The following HTR5A variants were observed in gnomAD, a reference collection of about 807,000 sequenced individuals.
HTR5A encodes 5-HT-5.
Under a neutral mutation model 24.3 loss-of-function variants are expected in HTR5A, and 21 were observed. The ratio of observed to expected loss-of-function variants is 0.86; its 90% CI spans 0.61 to 1.24. HTR5A has a LOEUF of 1.24. HTR5A is among the 50% of genes most tolerant of loss of function. The pLI is 0.00. For synonymous variants in HTR5A, 260 were observed against 213.7 expected, an observed-to-expected ratio of 1.22 and a Z score of -1.89; for missense variants, 497 against 489.5, an observed-to-expected ratio of 1.02 and a Z score of -0.15.
chr7:155,070,798 A>G lies in HTR5A; in HGVS notation c.-102A>G, dbSNP rs3734967. ...CTTTCCAGAAACTCCCCCACTGGCC[A>G]GAGGTTGCAAACATCCGGATTGGCT... On this transcript the variant is annotated 5_prime_UTR_variant, in exon 1 of 2. Transcript: ENST00000287907. The G allele has an allele frequency of 0.28, 344,360 of 1,236,192 alleles. 51,204 individuals carry two copies. Among genetic ancestry groups the G allele is most frequent in the South Asian group, 0.34 (23,271 of 69,450 alleles). 76.6% of individuals were successfully genotyped at this position (1,236,192 alleles called of 1,614,324 possible).
In HTR5A at chr7:155,085,116, C is replaced by A. The variant is rs1172641943; in HGVS notation, c.*629C>A. On this transcript the variant is annotated 3_prime_UTR_variant, in exon 2 of 2. Coordinates refer to ENST00000287907, the MANE Select transcript of HTR5A (RefSeq NM_024012.4). ...AACCACACACGAACATACACACACA[C>A]ACACACACAACTATGAAAGAGGCAG... is the stretch of plus-strand genomic sequence containing the variant. 6.6e-6 allele frequency: 1 copy of A among 152,388 alleles called. No individual in the cohort carries two copies. The highest frequency in any genetic ancestry group is 1.5e-5 in the Non-Finnish European group (1 of 68,192). The allele number at this position is 152,388 out of a possible 1,614,324, so 9.4% of individuals were successfully genotyped here.
Position 155,070,388 on chromosome 7 carries a change from G to C in HTR5A, c.-512G>C. On this transcript the variant is annotated 5_prime_UTR_variant, in exon 1 of 2. Transcript: ENST00000287907. Reference sequence around the variant, plus strand: ...CGGGGGCAACAGGGACAGAAGGCAGGTCCCAGAAAGCAGGTTCCCCCAAAA... The same window carrying C: ...CGGGGGCAACAGGGACAGAAGGCAGCTCCCAGAAAGCAGGTTCCCCCAAAA... 2 of 455,714 alleles carry C rather than the reference G, an allele frequency of 4.4e-6. No homozygotes were observed. Among genetic ancestry groups the C allele is most frequent in the Non-Finnish European group, 8.8e-6 (2 of 226,764 alleles). 28.2% of individuals were successfully genotyped at this position (455,714 alleles called of 1,614,324 possible).
chr7:155,071,246 T>A lies in HTR5A; in HGVS notation c.347T>A (p.Leu116His). The A allele has an allele frequency of 6.2e-7, 1 of 1,605,294 alleles. No individual in the cohort carries two copies. Among genetic ancestry groups the A allele is most frequent in the Non-Finnish European group, 8.5e-7 (1 of 1,179,916 alleles). Reference protein sequence around the residue: ...RWQLGRRLCQLWIACDVLCCT... With the variant: ...RWQLGRRLCQHWIACDVLCCT... The stretch of plus-strand genomic sequence containing the variant: ...CAGCTAGGTCGGAGGCTGTGCCAGC[T>A]TTGGATCGCGTGCGACGTGCTTTGC... The change falls in exon 1 of 2, where the codon CTT (leucine) becomes CAT (histidine). Residue 116 changes from leucine (L) to histidine (H), a missense_variant. Physicochemically the swap from Leu to His is moderately conservative, Grantham distance 99. Transcript: ENST00000287907.
Position 155,070,953 on chromosome 7 carries a change from G to A in HTR5A, c.54G>A (p.Leu18=). 2.5e-6 allele frequency: 4 copies of A among 1,609,762 alleles called. No individual in the cohort carries two copies. The highest frequency in any genetic ancestry group is 3.4e-6 in the Non-Finnish European group (4 of 1,179,962). ...TTTCCCTCTCCACCCCCTCCCCTTT[G>A]GAGACCAACCACAGCCTCGGCAAAG... ...TSFSLSTPSP[L]ETNHSLGKDD... is the part of the protein sequence containing the mutation. The change falls in exon 1 of 2, where the codon TTG becomes TTA. Residue 18 remains leucine (L), a synonymous_variant. Coordinates refer to ENST00000287907, the MANE Select transcript of HTR5A (RefSeq NM_024012.4).
intron 1 of HTR5A, among the ~76,000 whole-genome samples, chr7:155,082,227 A>T (rs1795425646): frequency 6.6e-6 from 1 of 151,652 alleles, no homozygotes; most frequent in South Asian, 2.1e-4. Context: ...CACAGTGTGA[A>T]TGGCATCCAT....
Position 155,070,839 on chromosome 7 carries a change from G to C in HTR5A, c.-61G>C. On this transcript the variant is annotated 5_prime_UTR_variant, in exon 1 of 2. Transcript: ENST00000287907. The stretch of plus-strand genomic sequence containing the variant: ...CGGATTGGCTCTGGGCACAGTGGCC[G>C]CCTTAAGTCCTCCTGAACACCCCTT... The C allele has an allele frequency of 2.0e-6, 3 of 1,516,148 alleles. No individual in the cohort carries two copies. The highest frequency in any genetic ancestry group is 2.7e-6 in the Non-Finnish European group (3 of 1,128,122). 93.9% of individuals were successfully genotyped at this position (1,516,148 alleles called of 1,614,324 possible).
Position 155,085,051 on chromosome 7 carries a change from T to C in HTR5A, c.*564T>C, listed in dbSNP as rs183051796. Reference sequence around the variant, plus strand: ...ATATTAAAGTATATAGTCCTATCCATGAGAGCAGGGAATCTTAGCTTTAAG... The same window carrying C: ...ATATTAAAGTATATAGTCCTATCCACGAGAGCAGGGAATCTTAGCTTTAAG... On this transcript the variant is annotated 3_prime_UTR_variant, in exon 2 of 2. Coordinates refer to ENST00000287907, the MANE Select transcript of HTR5A (RefSeq NM_024012.4). The C allele has an allele frequency of 6.6e-6, 1 of 151,786 alleles. No homozygotes were observed. The highest frequency in any genetic ancestry group is 1.9e-4 in the East Asian group (1 of 5,176). The allele number at this position is 151,786 out of a possible 1,614,324, so 9.4% of individuals were successfully genotyped here. A position where few individuals can be genotyped will look rare whatever the true frequency, so the allele number is the denominator to read the frequency against.
rs374704277 is a variant in HTR5A, at chr7:155,085,835, T to C, written c.*1348T>C. 2 of 152,360 alleles carry C rather than the reference T, an allele frequency of 1.3e-5. No individual in the cohort carries two copies. Among genetic ancestry groups the C allele is most frequent in the East Asian group, 3.9e-4 (2 of 5,190 alleles). 9.4% of individuals were successfully genotyped at this position (152,360 alleles called of 1,614,324 possible). A position where few individuals can be genotyped will look rare whatever the true frequency, so the allele number is the denominator to read the frequency against. On this transcript the variant is annotated 3_prime_UTR_variant, in exon 2 of 2. Coordinates refer to ENST00000287907, the MANE Select transcript of HTR5A (RefSeq NM_024012.4). ...CATAGGAAATTTGTGATAATTTATA[T>C]GTGGTCTTGGCTTGAAGTTTAGTCT...
rs763483316 is a variant in HTR5A at position 155,070,880 on chromosome 7, G to A, written c.-20G>A. 1.5e-5 allele frequency: 24 copies of A among 1,584,736 alleles called. No individual in the cohort carries two copies. The East Asian group carries it at 4.7e-4, about 31-fold the overall frequency. Reference sequence around the variant, plus strand: ...AACACCCCTTCTGCAAGTACCCCAGGGCGGTCTCCTGACCCAGAGATGGAT... The same window carrying A: ...AACACCCCTTCTGCAAGTACCCCAGAGCGGTCTCCTGACCCAGAGATGGAT... On this transcript the variant is annotated 5_prime_UTR_variant, in exon 1 of 2. Coordinates refer to ENST00000287907, the MANE Select transcript of HTR5A (RefSeq NM_024012.4).
chr7:155,074,362 G>A (rs947847855), intron 1 of HTR5A, among the ~76,000 whole-genome samples: 3 of 152,272 alleles, frequency 2.0e-5, no homozygotes, highest in African/African-American at 4.8e-5. Context: ...TAGAGTGAGC[G>A]GGGGCTGTGC....
rs1795454313 is a variant in HTR5A, at chr7:155,084,485, T to G, written c.1072T>G (p.Ter358GlyextTer55). 3 of 1,605,604 alleles carry G rather than the reference T, an allele frequency of 1.9e-6. No individual in the cohort carries two copies. The African/African-American group carries it at 4.0e-5, about 21-fold the overall frequency. ...CAAGAACTTCTTTTCTAGGCAACAC[T>G]GAGGGAGAGGACCAGGATTGAAAAA... is the stretch of plus-strand genomic sequence containing the variant. ...AFKNFFSRQH[*>G] is the part of the protein sequence containing the mutation. The change falls in exon 2 of 2, where the codon TGA (stop) becomes GGA (glycine). Residue 358 changes from the stop codon to glycine (G), a stop_lost. Coordinates refer to ENST00000287907, the MANE Select transcript of HTR5A (RefSeq NM_024012.4).
At chr7:155,071,988 C>G (rs528848879) in intron 1 of HTR5A, among the ~76,000 whole-genome samples, 1 of 152,018 alleles carries the variant, frequency 6.6e-6, no homozygotes, top group South Asian at 2.1e-4. Context: ...ATCTGGGGTA[C>G]GCTGATTCAG....
Position 155,084,257 on chromosome 7 carries a change from CG to C in HTR5A, c.847del (p.Ala283ProfsTer54). ...CACGTGGCGGGAGCAGAAGGAGCAGCGGGCCGCCCTCATGGTGGGCATCCTC... is the reference window on the plus strand; with the variant it reads ...CACGTGGCGGGAGCAGAAGGAGCAGCGGCCGCCCTCATGGTGGGCATCCTC... Reference protein sequence around the residue: ...GDTWREQKEQRAALMVGILIG... With the variant: ...GDTWREQKEQXAALMVGILIG... On this transcript the variant is annotated frameshift_variant, in exon 2 of 2. Transcript: ENST00000287907. LOFTEE classifies it high-confidence loss of function. 6.2e-7 allele frequency: 1 copy of C among 1,614,118 alleles called. No individual in the cohort carries two copies. The highest frequency in any genetic ancestry group is 8.5e-7 in the Non-Finnish European group (1 of 1,180,004).
At chr7:155,073,898 T>TAC (rs1474604416) in intron 1 of HTR5A, among the ~76,000 whole-genome samples, 3,658 of 21,324 alleles carry the variant, frequency 0.17, 254 homozygotes, top group African/African-American at 0.2. Context: ...TGTATATATA[T>TAC]ATATATATAT....
Position 155,070,721 on chromosome 7 carries a change from C to A in HTR5A, c.-179C>A. 1 of 680,088 alleles carries A rather than the reference C, an allele frequency of 1.5e-6. No homozygotes were observed. Among genetic ancestry groups the A allele is most frequent in the Non-Finnish European group, 2.5e-6 (1 of 398,702 alleles). 42.1% of individuals were successfully genotyped at this position (680,088 alleles called of 1,614,324 possible). ...CAGACCTGCCGCGCTTGCAGCCACA[C>A]CATCTCCAACGGATGCTCACTAGCA... On this transcript the variant is annotated 5_prime_UTR_variant, in exon 1 of 2. Coordinates refer to ENST00000287907, the MANE Select transcript of HTR5A (RefSeq NM_024012.4).
At position 155,071,408 on chromosome 7, in the gene HTR5A, C is replaced by T. The variant is rs185184389; in HGVS notation, c.509C>T (p.Ala170Val). 31 of 1,614,208 alleles carry T rather than the reference C, an allele frequency of 1.9e-5. No homozygotes were observed. The highest frequency in any genetic ancestry group is 2.6e-5 in the Non-Finnish European group (31 of 1,180,050). ...VMIALTWALS[A>V]VISLAPLLFG... ...ATCGCGCTCACCTGGGCACTCTCCG[C>T]TGTCATCTCTCTGGCCCCGCTGCTT... The change falls in exon 1 of 2, where the codon GCT (alanine) becomes GTT (valine). Residue 170 changes from alanine to valine, a missense_variant. Ala to Val is a moderately conservative substitution (Grantham distance 64). Transcript: ENST00000287907.
At position 155,071,562 on chromosome 7, in the gene HTR5A, G is replaced by C; in HGVS notation, c.663G>C (p.Trp221Cys). 2 of 1,614,156 alleles carry C rather than the reference G, an allele frequency of 1.2e-6. No homozygotes were observed. The highest frequency in any genetic ancestry group is 8.5e-7 in the Non-Finnish European group (1 of 1,180,024). ...LPLCVVLFVY[W>C]KIYKAAKFRV... ...TCTGTGTGGTGCTCTTCGTGTACTG[G>C]AAGATCTACAAGGCTGCCAAGTTCC... Residue 221 changes from tryptophan (W) to cysteine (C), a missense_variant, in exon 1 of 2, where the codon TGG becomes TGC. Transcript: ENST00000287907.
At chr7:155,080,311 G>A (rs1795402006) in intron 1 of HTR5A, among the ~76,000 whole-genome samples, 1 of 152,066 alleles carries the variant, frequency 6.6e-6, no homozygotes, top group Non-Finnish European at 1.5e-5. Flanking sequence ...CTAGTTACAT[G>A]ATACAAACAC....
chr7:155,071,010 G>A lies in HTR5A; in HGVS notation c.111G>A (p.Ser37=), dbSNP rs749735327. 6.2e-7 allele frequency: 1 copy of A among 1,611,718 alleles called. No individual in the cohort carries two copies. Among genetic ancestry groups the A allele is most frequent in the African/African-American group, 1.3e-5 (1 of 75,036 alleles). Residue 37 remains serine (S), a synonymous_variant, in exon 1 of 2, where the codon TCG becomes TCA. Coordinates refer to ENST00000287907, the MANE Select transcript of HTR5A (RefSeq NM_024012.4). ...TGCGCCCCAGCTCGCCCCTGCTCTC[G>A]GTCTTCGGAGTGCTTATTCTCACCT... ...DDLRPSSPLL[S]VFGVLILTLL... is the part of the protein sequence containing the mutation.
Sources: gnomAD v4.1 joint callset for allele counts (sites outside exome capture counted in the v4.1 genomes callset) on GRCh38, gnomAD v4.1.1 for gene constraint, MANE v1.5 for transcripts, NCBI Gene and HGNC (gene_info 2026-07-23, HGNC 2026-07-21) for gene names.